Variants in GRIK3 observed in about 807,000 individuals in gnomAD.
The protein encoded by GRIK3 is glutamate ionotropic receptor kainate type subunit 3, also known as glutamate receptor ionotropic, kainate 3.
A neutral mutation model predicts 102.5 loss-of-function variants in GRIK3; 29 were observed. The observed-to-expected ratio is 0.28, with a 90% CI of 0.21 to 0.39. The LOEUF (loss-of-function observed/expected upper bound fraction) is 0.39, where lower values mean the gene tolerates loss of function less well. Among genes scored for constraint, GRIK3 ranks in the 10% least tolerant of loss-of-function variants. GRIK3 has a pLI of 1.00. For missense variants in GRIK3, 908 were observed against 1,252.4 expected, an observed-to-expected ratio of 0.73 and a Z score of 4.15; for synonymous variants, 511 against 504.9, an observed-to-expected ratio of 1.01 and a Z score of -0.16.
rs202115674 is a variant in GRIK3, at chr1:36,872,295, T to C, written c.625A>G (p.Ile209Val). ...AAGGGGCGCGAGTCGTCAGAGTCGATGGGGAGCTGACGGATCTTCAGGCGG... is the reference window on the plus strand; with the variant it reads ...AAGGGGCGCGAGTCGTCAGAGTCGACGGGGAGCTGACGGATCTTCAGGCGG... ...NIRLKIRQLP[I>V]DSDDSRPLLK... Residue 209 changes from isoleucine to valine, a missense_variant, in exon 4 of 16, where the codon ATC becomes GTC. Ile to Val is a conservative substitution (Grantham distance 29). This residue lies in a region of GRIK3 where 585 missense variants were observed against 824.9 expected (regional missense o/e 0.71). Transcript: ENST00000373091. The surrounding 1 kb of genome is among the most constrained non-coding windows in gnomAD (Gnocchi z 5.9). 78 of 1,612,760 alleles carry C rather than the reference T, an allele frequency of 4.8e-5. No individual in the cohort carries two copies. Among genetic ancestry groups the C allele is most frequent in the African/African-American group, 1.7e-4 (13 of 74,894 alleles).
chr1:36,999,969 C>T (rs937910433), intron 1 of GRIK3, among the ~76,000 whole-genome samples: 1 of 152,156 alleles, frequency 6.6e-6, no homozygotes, highest in Admixed American at 6.5e-5. Context: ...TGCACTCCAG[C>T]CTGGGTGACA....
intron 1 of GRIK3, among the ~76,000 whole-genome samples, chr1:36,974,318 C>T (rs1278584590): frequency 1.3e-5 from 2 of 152,154 alleles, no homozygotes; most frequent in African/African-American, 4.8e-5. Context: ...TTTGCACCAA[C>T]TTAATCCTTT....
At chr1:36,922,861 A>G (rs1264024770) in intron 1 of GRIK3, among the ~76,000 whole-genome samples, 2 of 152,176 alleles carry the variant, frequency 1.3e-5, no homozygotes, top group Non-Finnish European at 2.9e-5. Flanking sequence ...CCTGCAACCC[A>G]GAATCCAACA....
intron 3 of GRIK3, among the ~76,000 whole-genome samples, chr1:36,873,710 T>C (rs1640870329): frequency 6.6e-6 from 1 of 151,656 alleles, no homozygotes; most frequent in African/African-American, 2.4e-5. Flanking sequence ...TTAGTTTCTG[T>C]GACTCAGGAG....
chr1:36,856,033 T>C (rs1169849102), intron 7 of GRIK3, among the ~76,000 whole-genome samples: 1 of 152,134 alleles, frequency 6.6e-6, no homozygotes, highest in Middle Eastern at 3.2e-3. Flanking sequence ...TCGGGGAAGC[T>C]TACATGGTGC....
In GRIK3 at chr1:36,968,286, T is replaced by G. The variant is rs983842298; in HGVS notation, c.115+65708A>C. ...GTGTGTCTTCTTTGTTTCCCTCTGT[T>G]CATGCTCCCTCCATAGATTTATTTT... On this transcript the variant is annotated intron_variant, in intron 1 of 15. Transcript: ENST00000373091. Among the ~76,000 whole-genome samples, 77 of 151,046 alleles carry G rather than the reference T, an allele frequency of 5.1e-4. 2 individuals are homozygous for G. Among genetic ancestry groups the G allele is most frequent in the Non-Finnish European group, 7.8e-4 (53 of 67,726 alleles).
intron 13 of GRIK3, among the ~76,000 whole-genome samples, chr1:36,810,942 G>A (rs1199993470): frequency 6.6e-6 from 1 of 152,234 alleles, no homozygotes; most frequent in Non-Finnish European, 1.5e-5. Context: ...GCTGGGGGTG[G>A]AGGTAGTGAG....
At chr1:36,899,832 C>T (rs1344918708) in intron 1 of GRIK3, among the ~76,000 whole-genome samples, 4 of 152,176 alleles carry the variant, frequency 2.6e-5, no homozygotes, top group Non-Finnish European at 4.4e-5. Flanking sequence ...AGAAGCATTA[C>T]ATAATGATGA....
intron 10 of GRIK3, among the ~76,000 whole-genome samples, chr1:36,839,635 G>A (rs1467337270): frequency 2.0e-5 from 3 of 152,212 alleles, no homozygotes; most frequent in African/African-American, 7.2e-5. Flanking sequence ...ATCTTATGAA[G>A]TAGGTCCTAT....
At chr1:36,817,856 A>G (rs1421954727) in intron 12 of GRIK3, among the ~76,000 whole-genome samples, 1 of 152,220 alleles carries the variant, frequency 6.6e-6, no homozygotes, top group Non-Finnish European at 1.5e-5. Flanking sequence ...AAGAAATTGC[A>G]TTGGAAATAC....
At chr1:36,899,309 T>C (rs564680991) in intron 1 of GRIK3, among the ~76,000 whole-genome samples, 140 of 152,220 alleles carry the variant, frequency 9.2e-4, no homozygotes, top group African/African-American at 2.9e-3. Context: ...CAGAACATAT[T>C]CCAGAACAAT....
chr1:36,956,751 C>T lies in GRIK3; in HGVS notation c.116-65655G>A, dbSNP rs1166977888. ...GGGAAGTATGAAGCCAGACTGGCCC[C>T]GGGCCAACAATTGACTCTGGGGGAT... On this transcript the variant is annotated intron_variant, in intron 1 of 15. Coordinates refer to ENST00000373091, the MANE Select transcript of GRIK3 (RefSeq NM_000831.4). Among the ~76,000 whole-genome samples, 6 of 152,328 alleles carry T rather than the reference C, an allele frequency of 3.9e-5. No individual in the cohort carries two copies. The East Asian group carries it at 7.7e-4, about 20-fold the overall frequency.
At chr1:36,882,126 G>A (rs1640988185) in intron 2 of GRIK3, among the ~76,000 whole-genome samples, 2 of 152,270 alleles carry the variant, frequency 1.3e-5, no homozygotes, top group South Asian at 2.1e-4. Context: ...ATCACTGGAA[G>A]TCTTGTCCAT....
chr1:36,859,741 G>T, intron 6 of GRIK3, 103 bp downstream of exon 6: 1 of 955,866 alleles, frequency 1.0e-6, no homozygotes, highest in Non-Finnish European at 1.7e-6. Flanking sequence ...AAGGTCTCAA[G>T]AAGAGAAGTG....
At chr1:36,817,005 A>G in intron 13 of GRIK3, 55 bp downstream of exon 13, 1 of 1,255,818 alleles carries the variant, frequency 8.0e-7, no homozygotes, top group Non-Finnish European at 1.2e-6. Context: ...CTGCTCAGTA[A>G]AGGGTCCGGA....
chr1:36,843,301 A>T (rs565496015), intron 9 of GRIK3, among the ~76,000 whole-genome samples: 2 of 152,322 alleles, frequency 1.3e-5, no homozygotes, highest in South Asian at 4.2e-4. Context: ...TCCCGTGTCC[A>T]TGATGGATGC....
chr1:37,018,115 T>G (rs921222968), intron 1 of GRIK3, among the ~76,000 whole-genome samples: 4 of 152,200 alleles, frequency 2.6e-5, no homozygotes, highest in Non-Finnish European at 5.9e-5. Context: ...AAACCTCATC[T>G]TTGGGAAGGT....
At chr1:36,950,934 G>T (rs1385713148) in intron 1 of GRIK3, among the ~76,000 whole-genome samples, 1 of 152,234 alleles carries the variant, frequency 6.6e-6, no homozygotes, top group Admixed American at 6.5e-5. Context: ...GGAGGGTTTG[G>T]GGTGGGGCAT....
At chr1:36,891,751 T>C (rs1641119263) in intron 1 of GRIK3, among the ~76,000 whole-genome samples, 1 of 152,146 alleles carries the variant, frequency 6.6e-6, no homozygotes, top group Admixed American at 6.5e-5. Context: ...AGAAAAATAA[T>C]TTAGAGCCAC....
Sources: allele counts gnomAD v4.1 joint callset (sites outside exome capture counted in the v4.1 genomes callset), GRCh38; gene constraint gnomAD v4.1.1; regional missense constraint gnomAD v4.1.1; non-coding constraint Gnocchi (gnomAD v3.1); transcripts MANE v1.5; gene names NCBI Gene and HGNC (gene_info 2026-07-23, HGNC 2026-07-21).